Variants in SYNPR observed in about 807,000 individuals in gnomAD.
SYNPR encodes synaptoporin.
Under a neutral mutation model 32.9 loss-of-function variants are expected in SYNPR, and 23 were observed. That is an observed-to-expected ratio of 0.70 (90% CI 0.50 to 0.99). SYNPR has a LOEUF of 0.99. Ranked by LOEUF, SYNPR falls within the 50% of genes least tolerant of loss-of-function variation. SYNPR has a pLI of 0.00. For missense variants in SYNPR, 318 were observed against 349.3 expected, an observed-to-expected ratio of 0.91 and a Z score of 0.71; for synonymous variants, 146 against 135.9, an observed-to-expected ratio of 1.07 and a Z score of -0.52.
Position 63,308,390 on chromosome 3 carries a change from CTTAA to C in SYNPR, c.84+29652_84+29655del, listed in dbSNP as rs763004057. On this transcript the variant is annotated intron_variant, in intron 2 of 5. Coordinates refer to ENST00000478300, the MANE Select transcript of SYNPR (RefSeq NM_001130003.2). ...GAGATATAATTGACATAATAAATTA[CTTAA>C]TTATCATTTCCAATCTTCTTCATTT... 2.2e-4 allele frequency among the ~76,000 whole-genome samples: 33 copies of C among 152,034 alleles called. 1 individual carries two copies. The South Asian group carries it at 2.9e-3, about 13-fold the overall frequency.
chr3:63,371,241 A>C (rs1404772818), intron 2 of SYNPR, among the ~76,000 whole-genome samples: 1 of 151,452 alleles, frequency 6.6e-6, no homozygotes, highest in Admixed American at 6.6e-5. Flanking sequence ...AGCCCACCCC[A>C]CAGGGGCCTC....
intron 3 of SYNPR, among the ~76,000 whole-genome samples, chr3:63,506,271 C>T (rs971241426): frequency 2.6e-5 from 4 of 152,118 alleles, no homozygotes; most frequent in Admixed American, 1.3e-4. Flanking sequence ...TGGGAAAGGC[C>T]TAAGGTGACT....
At chr3:63,385,445 T>G (rs970786333) in intron 2 of SYNPR, among the ~76,000 whole-genome samples, 1 of 152,230 alleles carries the variant, frequency 6.6e-6, no homozygotes, top group African/African-American at 2.4e-5. Context: ...GTACATCACC[T>G]AATATCACCT....
At chr3:63,404,139 A>G (rs2088327959) in intron 2 of SYNPR, among the ~76,000 whole-genome samples, 1 of 152,162 alleles carries the variant, frequency 6.6e-6, no homozygotes, top group South Asian at 2.1e-4. Context: ...CCTGGAATAG[A>G]TGGTTTGTCC....
intron 2 of SYNPR, among the ~76,000 whole-genome samples, chr3:63,455,788 G>GT (rs1559504358): frequency 5.4e-5 from 4 of 74,616 alleles, no homozygotes; most frequent in Non-Finnish European, 1.0e-4. Flanking sequence ...TGTGTGTGTG[G>GT]ATCTTCAGAT....
chr3:63,526,420 G>A (rs1191280695), intron 3 of SYNPR, among the ~76,000 whole-genome samples: 1 of 152,078 alleles, frequency 6.6e-6, no homozygotes, highest in Non-Finnish European at 1.5e-5. Context: ...AAGAGAACTG[G>A]GATCATTTCC....
chr3:63,396,063 T>C (rs759379516), intron 2 of SYNPR, among the ~76,000 whole-genome samples: 2 of 152,164 alleles, frequency 1.3e-5, no homozygotes, highest in Non-Finnish European at 2.9e-5. Flanking sequence ...CCAACATCCA[T>C]GGTTGAACTC....
intron 2 of SYNPR, among the ~76,000 whole-genome samples, chr3:63,433,183 G>A (rs955466021): frequency 1.4e-4 from 21 of 152,276 alleles, no homozygotes; most frequent in Middle Eastern, 3.4e-3. Context: ...CAGAACAAGT[G>A]GCGCTACAGC....
chr3:63,607,776 A>G (rs551928112), intron 4 of SYNPR, among the ~76,000 whole-genome samples: 1 of 152,176 alleles, frequency 6.6e-6, no homozygotes, highest in African/African-American at 2.4e-5. Flanking sequence ...AACATTCTCC[A>G]CAAAGATCAC....
chr3:63,221,265 G>C, the SYNPR span, among the ~76,000 whole-genome samples: 1 of 152,066 alleles, frequency 6.6e-6, no homozygotes, highest in African/African-American at 2.4e-5. Flanking sequence ...AGGGTGGAAT[G>C]ATTTCACCTA....
At chr3:63,420,789 A>G (rs762859337) in intron 2 of SYNPR, among the ~76,000 whole-genome samples, 4 of 152,210 alleles carry the variant, frequency 2.6e-5, no homozygotes, top group Admixed American at 6.5e-5. Context: ...TGGGCAAAGG[A>G]GTTGTATTCA....
At chr3:63,466,370 G>A (rs796623788) in intron 2 of SYNPR, among the ~76,000 whole-genome samples, 70 of 151,844 alleles carry the variant, frequency 4.6e-4, no homozygotes, top group Admixed American at 3.5e-3. Flanking sequence ...TCATTCTTGC[G>A]GTGTCATTTC....
chr3:63,378,283 T>C (rs2087919588), intron 2 of SYNPR, among the ~76,000 whole-genome samples: 1 of 152,016 alleles, frequency 6.6e-6, no homozygotes, highest in Non-Finnish European at 1.5e-5. Flanking sequence ...ACTTTGTAAA[T>C]ACACAGAAAA....
intron 2 of SYNPR, among the ~76,000 whole-genome samples, chr3:63,294,875 T>C (rs141661239): frequency 2.8e-4 from 43 of 152,322 alleles, no homozygotes; most frequent in African/African-American, 9.9e-4. Context: ...TTGCACTTCA[T>C]GTATATATGT....
chr3:63,388,382 T>C, intron 2 of SYNPR, among the ~76,000 whole-genome samples: 2 of 95,690 alleles, frequency 2.1e-5, no homozygotes, highest in East Asian at 1.2e-3. Context: ...TGGAGCTCTT[T>C]TTTTTTTTTT....
rs190869476 is a variant in SYNPR at position 63,564,177 on chromosome 3, G to A, written c.408+7436G>A. On this transcript the variant is annotated intron_variant, in intron 4 of 5. Transcript: ENST00000478300. The stretch of plus-strand genomic sequence containing the variant: ...CTGACACTGATTTGTGGGGTGGGTG[G>A]GGTGTGTGTGTGTCTTTCTTTTTTT... 1.1e-4 allele frequency among the ~76,000 whole-genome samples: 17 copies of A among 149,910 alleles called. No homozygotes were observed. The East Asian group carries it at 3.4e-3, about 30-fold the overall frequency.
intron 2 of SYNPR, among the ~76,000 whole-genome samples, chr3:63,392,593 A>T (rs1166521307): frequency 6.6e-6 from 1 of 152,216 alleles, no homozygotes; most frequent in African/African-American, 2.4e-5. Context: ...CTGAACACAC[A>T]GAAAGCAGTA....
At chr3:63,343,848 C>T (rs1240512048) in intron 2 of SYNPR, among the ~76,000 whole-genome samples, 5 of 152,196 alleles carry the variant, frequency 3.3e-5, no homozygotes, top group Non-Finnish European at 5.9e-5. Context: ...ATGTCTGGGA[C>T]GGTGACTCAG....
chr3:63,552,822 C>T (rs982696180), intron 3 of SYNPR, among the ~76,000 whole-genome samples: 4 of 152,268 alleles, frequency 2.6e-5, no homozygotes, highest in Middle Eastern at 3.4e-3. Context: ...CTGACATTTA[C>T]TATGTGGCTT....
Sources: gnomAD v4.1 joint callset for allele counts (sites outside exome capture counted in the v4.1 genomes callset) on GRCh38, gnomAD v4.1.1 for gene constraint, MANE v1.5 for transcripts, NCBI Gene and HGNC (gene_info 2026-07-23, HGNC 2026-07-21) for gene names.